GDF1: variants seen among roughly 807,000 people sequenced by gnomAD.
GDF1 encodes the protein embryonic growth/differentiation factor 1.
GDF1 carries 8 observed loss-of-function variants against 7.4 expected under a neutral mutation model. That is an observed-to-expected ratio of 1.09 (90% confidence interval 0.64 to 1.96). The LOEUF (loss-of-function observed/expected upper bound fraction) is 1.96, where lower values mean the gene tolerates loss of function less well. Among genes scored for constraint, GDF1 ranks in the 30% most tolerant of loss-of-function variants. GDF1 has a pLI of 0.00. For missense variants in GDF1, 574 were observed against 551.5 expected (o/e 1.04, Z -0.41); for synonymous variants, 311 against 276.7 (o/e 1.12, Z -1.23).
intron 6 of GDF1, among the ~76,000 whole-genome samples, chr19:18,876,503 G>A (rs2056062584): frequency 6.6e-6 from 1 of 150,976 alleles, no homozygotes; most frequent in Non-Finnish European, 1.5e-5. Flanking sequence ...CACAACACAT[G>A]GCTGTTTTTT....
At chr19:18,880,154 T>A in intron 4 of GDF1, 120 bp downstream of exon 4, 14 of 888,768 alleles carry the variant, frequency 1.6e-5, no homozygotes, top group South Asian at 5.3e-5. Flanking sequence ...TCCCCTGTCA[T>A]GCCACACACC....
At position 18,895,849 on chromosome 19, in the gene GDF1, G is replaced by T. The variant is rs1210908826; in HGVS notation, c.-1099C>A. 3.1e-6 allele frequency: 4 copies of T among 1,298,294 alleles called. No individual in the cohort carries two copies. Among genetic ancestry groups the T allele is most frequent in the South Asian group, 3.9e-5 (2 of 51,532 alleles). 80.4% of individuals were successfully genotyped at this position (1,298,294 alleles called of 1,614,324 possible). A position where few individuals can be genotyped will look rare whatever the true frequency, so the allele number is the denominator to read the frequency against. ...CCGAAAGAGGCGCGCAGTGGCCGCGGAGCGCAGGGCGGTCCAGCCCAGCGC... is the reference window on the plus strand; with the variant it reads ...CCGAAAGAGGCGCGCAGTGGCCGCGTAGCGCAGGGCGGTCCAGCCCAGCGC... On this transcript the variant is annotated 5_prime_UTR_variant, in exon 1 of 8. Transcript: ENST00000247005. The surrounding 1 kb of genome is among the most constrained non-coding windows in gnomAD (Gnocchi z 6.4).
Position 18,869,204 on chromosome 19 carries a change from C to A in GDF1, c.512G>T (p.Gly171Val). The A allele has an allele frequency of 7.9e-7, 1 of 1,267,590 alleles. No individual in the cohort carries two copies. The highest frequency in any genetic ancestry group is 9.9e-7 in the Non-Finnish European group (1 of 1,010,028). 78.5% of individuals were successfully genotyped at this position (1,267,590 alleles called of 1,614,324 possible). The change falls in exon 8 of 8, where the codon GGC becomes GTC. Residue 171 changes from glycine (G) to valine (V), a missense_variant. Physicochemically the swap from Gly to Val is moderately radical, Grantham distance 109. Transcript: ENST00000247005. ...CCCGGGGTCCGCGCCCGCGCCCTGG[C>A]CCGCTTGCGCCACGCTCAGCTCCCA... ...GGWELSVAQA[G>V]QGAGADPGPV...
Position 18,869,071 on chromosome 19 carries a change from C to T in GDF1, c.645G>A (p.Leu215=). 6 of 1,058,992 alleles carry T rather than the reference C, an allele frequency of 5.7e-6. No individual in the cohort carries two copies. Among genetic ancestry groups the T allele is most frequent in the Non-Finnish European group, 6.8e-6 (6 of 878,244 alleles). 65.6% of individuals were successfully genotyped at this position (1,058,992 alleles called of 1,614,324 possible). A position where few individuals can be genotyped will look rare whatever the true frequency, so the allele number is the denominator to read the frequency against. The change falls in exon 8 of 8, where the codon CTG becomes CTA. Residue 215 remains leucine, a synonymous_variant. Coordinates refer to ENST00000247005, the MANE Select transcript of GDF1 (RefSeq NM_001492.6). ...RNASWPRSLR[L]ALALRPRAPA... is the part of the protein sequence containing the mutation. ...GGGCCCGGGGGCGTAGCGCCAGCGC[C>T]AGGCGGAGGCTGCGCGGCCATGAGG... is the stretch of plus-strand genomic sequence containing the variant.
chr19:18,879,403 G>T lies in GDF1; in HGVS notation c.-570-15C>A, dbSNP rs1201571099. ...GGAACCAGAACCTGCGGTGGGAGGAGTCAGGAGGCCGTGGGTGGAGGGGGA... is the reference window on the plus strand; with the variant it reads ...GGAACCAGAACCTGCGGTGGGAGGATTCAGGAGGCCGTGGGTGGAGGGGGA... On this transcript the variant is annotated splice_polypyrimidine_tract_variant and intron_variant, in intron 4 of 7. Coordinates refer to ENST00000247005, the MANE Select transcript of GDF1 (RefSeq NM_001492.6). 3.9e-6 allele frequency: 6 copies of T among 1,554,686 alleles called. No homozygotes were observed. In the East Asian group the frequency reaches 9.7e-5, roughly 25 times the overall value.
chr19:18,883,572 T>A (rs1249977015), intron 3 of GDF1, among the ~76,000 whole-genome samples: 2 of 152,090 alleles, frequency 1.3e-5, no homozygotes, highest in Non-Finnish European at 2.9e-5. Flanking sequence ...GTGGATAAGA[T>A]ATTTTCACTC....
chr19:18,890,945 G>A (rs994790011), intron 2 of GDF1, among the ~76,000 whole-genome samples: 3 of 151,994 alleles, frequency 2.0e-5, no homozygotes, highest in Non-Finnish European at 4.4e-5. Context: ...CCAACATGGT[G>A]AAACCTCGTC....
At chr19:18,891,302 G>A (rs1277692383) in intron 2 of GDF1, among the ~76,000 whole-genome samples, 2 of 152,142 alleles carry the variant, frequency 1.3e-5, no homozygotes, top group East Asian at 3.8e-4. Context: ...CCTCTAGGCT[G>A]TTCCCATCAC....
chr19:18,874,009 G>A (rs2056020138), intron 6 of GDF1, among the ~76,000 whole-genome samples: 2 of 151,992 alleles, frequency 1.3e-5, no homozygotes, highest in South Asian at 4.1e-4. Context: ...TACAAGGGAG[G>A]GAAAACAGGC....
chr19:18,887,379 G>C (rs2056386766), intron 2 of GDF1, among the ~76,000 whole-genome samples: 1 of 152,182 alleles, frequency 6.6e-6, no homozygotes, highest in Admixed American at 6.5e-5. Flanking sequence ...CTGCTAATGG[G>C]ACGGGGTTTC....
chr19:18,887,651 G>A (rs550976169), intron 2 of GDF1, among the ~76,000 whole-genome samples: 24 of 151,608 alleles, frequency 1.6e-4, no homozygotes, highest in Non-Finnish European at 2.6e-4. Flanking sequence ...GGCTGAGGCA[G>A]GAGCATCACT....
intron 2 of GDF1, 127 bp from the exon 3 acceptor site, chr19:18,884,394 G>T: frequency 2.6e-6 from 2 of 755,610 alleles, no homozygotes; most frequent in African/African-American, 1.8e-5. Flanking sequence ...GTGTCTGACT[G>T]CTGGCTTTCC....
Position 18,879,005 on chromosome 19 carries a change from C to T in GDF1, c.-388G>A, listed in dbSNP as rs765251733. On this transcript the variant is annotated 5_prime_UTR_variant, in exon 6 of 8. Transcript: ENST00000247005. ...CAGGTCCTTCAGCTCGTGCACCTGG[C>T]CTGTCAACACCTTGGCTGCAAACGC... The T allele has an allele frequency of 1.2e-6, 2 of 1,613,642 alleles. No individual in the cohort carries two copies. The highest frequency in any genetic ancestry group is 1.7e-6 in the Non-Finnish European group (2 of 1,179,826).
rs1188063501 is a variant in GDF1 at position 18,869,237 on chromosome 19, T to TCCGGGGCTG, written c.470_478dup (p.Ala157_Pro159dup). The TCCGGGGCTG allele has an allele frequency of 2.8e-6, 4 of 1,414,740 alleles. No homozygotes were observed. In the East Asian group the frequency reaches 1.2e-4, roughly 43 times the overall value. The allele number at this position is 1,414,740 out of a possible 1,614,324, so 87.6% of individuals were successfully genotyped here. On this transcript the variant is annotated inframe_insertion, in exon 8 of 8. Coordinates refer to ENST00000247005, the MANE Select transcript of GDF1 (RefSeq NM_001492.6). ...CGCCACGCTCAGCTCCCAGCCGCCC[T>TCCGGGGCTG]CCGGGGCTGCCGCCGCCGCCGCCGC...
intron 6 of GDF1, among the ~76,000 whole-genome samples, chr19:18,872,115 C>A (rs890568625): frequency 6.9e-4 from 105 of 152,214 alleles, no homozygotes; most frequent in Admixed American, 6.9e-3. Flanking sequence ...CCACTCAGTT[C>A]CCACAGAGAG....
intron 6 of GDF1, among the ~76,000 whole-genome samples, chr19:18,874,297 TCA>T (rs1431526023): frequency 6.6e-6 from 1 of 152,112 alleles, no homozygotes; most frequent in South Asian, 2.1e-4. Context: ...GTGCTGAAGT[TCA>T]CAGTTTTCTA....
chr19:18,893,604 A>G (rs1284450013), intron 1 of GDF1, 29 bp from the exon 2 acceptor site: 2 of 1,588,910 alleles, frequency 1.3e-6, no homozygotes, highest in East Asian at 4.6e-5. Context: ...GCGGGCAGCC[A>G]TTGGTGCTGG....
chr19:18,876,733 G>A (rs976823863), intron 6 of GDF1, among the ~76,000 whole-genome samples: 2 of 152,144 alleles, frequency 1.3e-5, no homozygotes, highest in Admixed American at 6.6e-5. Context: ...ATGCTACAAA[G>A]GGAGTAGAGG....
Position 18,878,704 on chromosome 19 carries a change from G to T in GDF1, c.-313+226C>A. On this transcript the variant is annotated intron_variant, in intron 6 of 7. Coordinates refer to ENST00000247005, the MANE Select transcript of GDF1 (RefSeq NM_001492.6). The surrounding 1 kb of genome is among the most constrained non-coding windows in gnomAD (Gnocchi z 4.6). ...CCGCTGAGACCCTGCCTGTCGCCCTGCCTGCCCCTCCCCAGCCTCTCCCTC... is the reference window on the plus strand; with the variant it reads ...CCGCTGAGACCCTGCCTGTCGCCCTTCCTGCCCCTCCCCAGCCTCTCCCTC... The T allele has an allele frequency of 7.3e-7, 1 of 1,373,038 alleles. No individual in the cohort carries two copies. Among genetic ancestry groups the T allele is most frequent in the Non-Finnish European group, 9.4e-7 (1 of 1,060,058 alleles). The allele number at this position is 1,373,038 out of a possible 1,614,324, so 85.1% of individuals were successfully genotyped here.
Sources: gnomAD v4.1 joint callset for allele counts (sites outside exome capture counted in the v4.1 genomes callset) on GRCh38, gnomAD v4.1.1 for gene constraint, Gnocchi (gnomAD v3.1) non-coding constraint, MANE v1.5 for transcripts, NCBI Gene and HGNC (gene_info 2026-07-23, HGNC 2026-07-21) for gene names.